Variants in TECPR2 observed in about 807,000 individuals in gnomAD.
TECPR2 encodes the protein tectonin beta-propeller repeat-containing protein 2.
TECPR2 carries 65 observed loss-of-function variants against 138.1 expected under a neutral mutation model. The observed-to-expected ratio is 0.47, with a 90% confidence interval of 0.39 to 0.58. TECPR2 has a LOEUF of 0.58. Ranked by LOEUF, TECPR2 falls within the 20% of genes least tolerant of loss-of-function variation. The pLI is 0.00. For synonymous variants in TECPR2, 746 were observed against 749.8 expected, an observed-to-expected ratio of 0.99 and a Z score of 0.08; for missense variants, 1,553 against 1,824.5, an observed-to-expected ratio of 0.85 and a Z score of 2.71.
rs1053645747 is a variant in TECPR2 at position 102,499,175 on chromosome 14, G to A, written c.*918G>A. ...GTGCACGTGTGTCCCAGGTAGGGAC[G>A]GCACAGGAGGGTGCATGGGGCGTGG... is the stretch of plus-strand genomic sequence containing the variant. On this transcript the variant is annotated 3_prime_UTR_variant, in exon 20 of 20. Coordinates refer to ENST00000359520, the MANE Select transcript of TECPR2 (RefSeq NM_014844.5). 18 of 702,778 alleles carry A rather than the reference G, an allele frequency of 2.6e-5. No individual in the cohort carries two copies. The highest frequency in any genetic ancestry group is 5.4e-5 in the East Asian group (2 of 37,284). 43.5% of individuals were successfully genotyped at this position (702,778 alleles called of 1,614,324 possible).
intron 16 of TECPR2, among the ~76,000 whole-genome samples, chr14:102,458,393 C>G (rs1443778124): frequency 6.6e-6 from 1 of 152,206 alleles, no homozygotes; most frequent in Non-Finnish European, 1.5e-5. Flanking sequence ...GAGCTGTCTT[C>G]CTCAAACCCA....
intron 2 of TECPR2, among the ~76,000 whole-genome samples, chr14:102,388,939 C>A (rs147496648): frequency 7.5e-6 from 1 of 133,594 alleles, no homozygotes; most frequent in Non-Finnish European, 1.6e-5. Context: ...CCAGCCTGGG[C>A]GACAGAGCAA....
At chr14:102,402,989 C>A (rs1255273615) in intron 2 of TECPR2, among the ~76,000 whole-genome samples, 1 of 152,162 alleles carries the variant, frequency 6.6e-6, no homozygotes, top group East Asian at 1.9e-4. Context: ...TATTTCTTCT[C>A]AAATTTTTCC....
At chr14:102,379,239 C>T (rs997087789) in intron 2 of TECPR2, among the ~76,000 whole-genome samples, 2 of 127,384 alleles carry the variant, frequency 1.6e-5, no homozygotes, top group African/African-American at 6.0e-5. Flanking sequence ...CACTGCTAAA[C>T]ATCACAATCT....
At position 102,434,378 on chromosome 14, in the gene TECPR2, G is replaced by A; in HGVS notation, c.1561G>A (p.Ala521Thr). 4 of 1,529,844 alleles carry A rather than the reference G, an allele frequency of 2.6e-6. No homozygotes were observed. Among genetic ancestry groups the A allele is most frequent in the Admixed American group, 2.1e-5 (1 of 46,512 alleles). The allele number at this position is 1,529,844 out of a possible 1,614,324, so 94.8% of individuals were successfully genotyped here. ...VLGSSVDQLS[A>T]ESPDQESSFN... ...GGGCAGTAGCGTGGATCAGTTAAGT[G>A]CAGAGTCTCCAGACCAGGAAAGCAG... Residue 521 changes from alanine to threonine, a missense_variant, in exon 9 of 20, where the codon GCA (alanine) becomes ACA (threonine). Ala to Thr is a moderately conservative substitution (Grantham distance 58). Coordinates refer to ENST00000359520, the MANE Select transcript of TECPR2 (RefSeq NM_014844.5).
intron 17 of TECPR2, among the ~76,000 whole-genome samples, chr14:102,485,669 C>T (rs530695081): frequency 3.5e-4 from 54 of 152,268 alleles, no homozygotes; most frequent in Middle Eastern, 6.8e-3. Flanking sequence ...CGTGTGCCCC[C>T]AGTAAAACCA....
At chr14:102,373,562 C>T (rs1887562534) in intron 1 of TECPR2, among the ~76,000 whole-genome samples, 1 of 152,146 alleles carries the variant, frequency 6.6e-6, no homozygotes, top group Admixed American at 6.6e-5. Flanking sequence ...CTTATCTTTT[C>T]AGCTTATGAC....
chr14:102,447,865 T>C (rs1890028367), intron 13 of TECPR2, among the ~76,000 whole-genome samples: 1 of 152,050 alleles, frequency 6.6e-6, no homozygotes, highest in South Asian at 2.1e-4. Context: ...TCTTGCCCCA[T>C]TGGTTTATGT....
Position 102,492,953 on chromosome 14 carries a change from G to A in TECPR2, c.3790-4026G>A, listed in dbSNP as rs140267417. On this transcript the variant is annotated intron_variant, in intron 17 of 19. Coordinates refer to ENST00000359520, the MANE Select transcript of TECPR2 (RefSeq NM_014844.5). The stretch of plus-strand genomic sequence containing the variant: ...AAGTTTTATGTTCCAGAGACGTTGC[G>A]AGGTGATGGAGAGAAGAGGAAAGGG... Among the ~76,000 whole-genome samples, 42 of 152,322 alleles carry A rather than the reference G, an allele frequency of 2.8e-4. No individual in the cohort carries two copies. The East Asian group carries it at 4.6e-3, about 17-fold the overall frequency.
chr14:102,471,960 C>T (rs1439988264), intron 17 of TECPR2, among the ~76,000 whole-genome samples: 2 of 152,188 alleles, frequency 1.3e-5, no homozygotes, highest in Non-Finnish European at 2.9e-5. Flanking sequence ...ACAATTATCA[C>T]GTACATGTGG....
intron 2 of TECPR2, among the ~76,000 whole-genome samples, chr14:102,377,360 A>G (rs943618528): frequency 7.9e-5 from 12 of 152,114 alleles, no homozygotes; most frequent in African/African-American, 9.7e-5. Flanking sequence ...TGGTTTCACT[A>G]TGTTGCCCAG....
chr14:102,498,641 C>T lies in TECPR2; in HGVS notation c.*384C>T, dbSNP rs139195321. On this transcript the variant is annotated 3_prime_UTR_variant, in exon 20 of 20. Coordinates refer to ENST00000359520, the MANE Select transcript of TECPR2 (RefSeq NM_014844.5). ...GGGCAGCTGGTTTGGCCCAGGGCCT[C>T]CTTCCACATTAGTAGCCCCAGGGCC... The T allele has an allele frequency of 2.5e-3, 1,007 of 404,796 alleles. 6 individuals are homozygous for T. Among genetic ancestry groups the T allele is most frequent in the African/African-American group, 0.02 (958 of 49,020 alleles). The allele number at this position is 404,796 out of a possible 1,614,324, so 25.1% of individuals were successfully genotyped here.
intron 1 of TECPR2, among the ~76,000 whole-genome samples, chr14:102,370,028 A>G (rs182475304): frequency 5.9e-5 from 9 of 152,200 alleles, no homozygotes; most frequent in Admixed American, 5.9e-4. Flanking sequence ...CAACCTCCCA[A>G]AGTACTGGGA....
At chr14:102,417,796 C>CGGGAGTCCAGGGGAGCCTGGCAT (rs1274436546) in intron 5 of TECPR2, among the ~76,000 whole-genome samples, 4 of 128,694 alleles carry the variant, frequency 3.1e-5, no homozygotes, top group African/African-American at 9.4e-5. Flanking sequence ...GAGGCTGGCA[C>CGGGAGTCCAGGGGAGCCTGGCAT]GGGAGTCCAG....
At chr14:102,384,684 A>AAAT (rs1555448047) in intron 2 of TECPR2, among the ~76,000 whole-genome samples, 29 of 146,632 alleles carry the variant, frequency 2.0e-4, no homozygotes, top group South Asian at 6.5e-4. Context: ...CTCAAAAAAA[A>AAAT]ATATATATAT....
chr14:102,456,812 A>C (rs1202775220), intron 16 of TECPR2, among the ~76,000 whole-genome samples: 3 of 151,766 alleles, frequency 2.0e-5, no homozygotes, highest in African/African-American at 7.3e-5. Flanking sequence ...GATGGTCTTG[A>C]TCTCCTGACC....
At chr14:102,457,127 T>C (rs1378141775) in intron 16 of TECPR2, among the ~76,000 whole-genome samples, 2 of 151,244 alleles carry the variant, frequency 1.3e-5, no homozygotes, top group Non-Finnish European at 3.0e-5. Context: ...CTCTGTTGCC[T>C]AGGCTGGAGT....
In TECPR2 at chr14:102,432,790, G is replaced by A. The variant is rs376830875; in HGVS notation, c.1417+662G>A. On this transcript the variant is annotated intron_variant, in intron 8 of 19. Transcript: ENST00000359520. Reference sequence around the variant, plus strand: ...GGAGGCCGAGGCAGGCGGATCACGAGGTCAAGAGATTGAGACCATCCTGGC... The same window carrying A: ...GGAGGCCGAGGCAGGCGGATCACGAAGTCAAGAGATTGAGACCATCCTGGC... Among the ~76,000 whole-genome samples the A allele has an allele frequency of 3.4e-3, 515 of 152,108 alleles. 2 individuals carry two copies. Among genetic ancestry groups the A allele is most frequent in the African/African-American group, 0.011 (463 of 41,558 alleles).
In TECPR2 at chr14:102,419,470, G is replaced by A. The variant is rs1889120268; in HGVS notation, c.638+4677G>A. ...ACATTGGTGTGTGACGCGGGTGCCT[G>A]TGGAGGGAACACAGTGCTGGTGGGG... On this transcript the variant is annotated intron_variant, in intron 5 of 19. Transcript: ENST00000359520. The surrounding 1 kb of genome is among the most constrained non-coding windows in gnomAD (Gnocchi z 4.8). Among the ~76,000 whole-genome samples the A allele has an allele frequency of 6.6e-6, 1 of 152,158 alleles. No individual in the cohort carries two copies. Among genetic ancestry groups the A allele is most frequent in the African/African-American group, 2.4e-5 (1 of 41,426 alleles).
Sources: gnomAD v4.1 joint callset for allele counts (sites outside exome capture counted in the v4.1 genomes callset) on GRCh38, gnomAD v4.1.1 for gene constraint, Gnocchi (gnomAD v3.1) non-coding constraint, MANE v1.5 for transcripts, NCBI Gene and HGNC (gene_info 2026-07-23, HGNC 2026-07-21) for gene names.